The following ZMYM2 variants were observed in gnomAD, a reference collection of about 807,000 sequenced individuals.
The protein encoded by ZMYM2 is zinc finger MYM-type protein 2.
ZMYM2 carries 56 observed loss-of-function variants against 162.8 expected under a neutral mutation model. The observed-to-expected ratio is 0.34, with a 90% CI of 0.28 to 0.43. The LOEUF is 0.43. Ranked by LOEUF, ZMYM2 falls within the 20% of genes least tolerant of loss-of-function variation. ZMYM2 has a pLI of 1.00. For synonymous variants in ZMYM2, 510 were observed against 541.6 expected, an observed-to-expected ratio of 0.94 and a Z score of 0.81; for missense variants, 1,275 against 1,621.8, an observed-to-expected ratio of 0.79 and a Z score of 3.67.
At chr13:20,046,920 G>A (rs1259022657) in intron 12 of ZMYM2, among the ~76,000 whole-genome samples, 1 of 151,960 alleles carries the variant, frequency 6.6e-6, no homozygotes, top group East Asian at 1.9e-4. Flanking sequence ...AAATACTTTA[G>A]TCAAATACCG....
chr13:20,066,622 GGA>G (rs1956697951), intron 19 of ZMYM2: 1 of 375,040 alleles, frequency 2.7e-6, no homozygotes, highest in South Asian at 1.1e-4. Flanking sequence ...AGGAGGAAGA[GGA>G]GAGAGGTTGA....
chr13:19,895,090 A>AG, the ZMYM2 span, among the ~76,000 whole-genome samples: 3 of 150,030 alleles, frequency 2.0e-5, no homozygotes, highest in Non-Finnish European at 4.4e-5. Flanking sequence ...AAAAAAAAAA[A>AG]AAAAAAAGAA....
Position 20,021,166 on chromosome 13 carries a change from G to A in ZMYM2, c.1584+1548G>A, listed in dbSNP as rs563158619. 5.3e-5 allele frequency among the ~76,000 whole-genome samples: 8 copies of A among 151,880 alleles called. No homozygotes were observed. The South Asian group carries it at 6.2e-4, about 12-fold the overall frequency. Reference sequence around the variant, plus strand: ...AATTTTTTGTATTTTTAGTAGAGGCGGGGTTTCACCGTGTTAGCCAGGATG... The same window carrying A: ...AATTTTTTGTATTTTTAGTAGAGGCAGGGTTTCACCGTGTTAGCCAGGATG... On this transcript the variant is annotated intron_variant, in intron 7 of 24. Coordinates refer to ENST00000610343, the MANE Select transcript of ZMYM2 (RefSeq NM_197968.4).
chr13:20,061,755 A>G (rs1250438159), intron 17 of ZMYM2, among the ~76,000 whole-genome samples: 2 of 151,954 alleles, frequency 1.3e-5, no homozygotes, highest in African/African-American at 2.4e-5. Context: ...CGCCCAGCCA[A>G]TTTTTGTCTT....
intron 21 of ZMYM2, among the ~76,000 whole-genome samples, chr13:20,078,773 T>TA (rs1251029776): frequency 1.3e-5 from 2 of 152,096 alleles, no homozygotes; most frequent in Non-Finnish European, 2.9e-5. Flanking sequence ...ATTTTTATAT[T>TA]ATATGTTGGG....
At chr13:19,986,313 C>T (rs990682886) in intron 2 of ZMYM2, among the ~76,000 whole-genome samples, 4 of 151,448 alleles carry the variant, frequency 2.6e-5, no homozygotes, top group Non-Finnish European at 5.9e-5. Context: ...CACTTGAGCC[C>T]AGGAGTCCAG....
the ZMYM2 span, among the ~76,000 whole-genome samples, chr13:19,865,782 A>G: frequency 6.6e-6 from 1 of 152,212 alleles, no homozygotes; most frequent in African/African-American, 2.4e-5. Context: ...GTATGCTGCC[A>G]TGATTTCGAG....
intron 6 of ZMYM2, among the ~76,000 whole-genome samples, chr13:20,010,169 G>A (rs909266496): frequency 6.6e-6 from 1 of 152,048 alleles, no homozygotes; most frequent in Non-Finnish European, 1.5e-5. Context: ...AATGACTAAT[G>A]ACAATGAACA....
At chr13:19,958,716 T>G (rs371596999), upstream of ZMYM2, 84 of 149,130 alleles carry the variant, frequency 5.6e-4, no homozygotes, top group East Asian at 9.9e-3. Context: ...CGCCGCCGCC[T>G]CCTCCGCCTC....
At chr13:19,884,457 G>A in the ZMYM2 span, among the ~76,000 whole-genome samples, 1 of 151,948 alleles carries the variant, frequency 6.6e-6, no homozygotes, top group Non-Finnish European at 1.5e-5. Context: ...GGGCGGCCGT[G>A]GTCCCAGCTA....
At chr13:20,001,650 G>T (rs1950399715) in intron 3 of ZMYM2, among the ~76,000 whole-genome samples, 1 of 152,166 alleles carries the variant, frequency 6.6e-6, no homozygotes, top group South Asian at 2.1e-4. Flanking sequence ...AGAAGCTCTA[G>T]TGTGGGTAAA....
At chr13:20,069,074 T>C (rs1956892184) in intron 21 of ZMYM2, among the ~76,000 whole-genome samples, 1 of 152,202 alleles carries the variant, frequency 6.6e-6, no homozygotes, top group Non-Finnish European at 1.5e-5. Context: ...CTTTTAGCTA[T>C]TTCCCCTGGC....
the ZMYM2 span, among the ~76,000 whole-genome samples, chr13:19,925,240 C>A: frequency 6.6e-6 from 1 of 152,158 alleles, no homozygotes; most frequent in Admixed American, 6.5e-5. Flanking sequence ...TATATTCCCA[C>A]CAACAGTGCT....
chr13:19,883,074 T>C, the ZMYM2 span, among the ~76,000 whole-genome samples: 3 of 152,146 alleles, frequency 2.0e-5, no homozygotes, highest in Non-Finnish European at 4.4e-5. Context: ...TGTTAAAAAG[T>C]AATGAAGTAT....
In ZMYM2 at chr13:19,990,510, A is replaced by C. The variant is rs1026902126; in HGVS notation, c.-10-2553A>C. Among the ~76,000 whole-genome samples the C allele has an allele frequency of 5.1e-4, 78 of 152,304 alleles. 2 individuals are homozygous for C. Among genetic ancestry groups the C allele is most frequent in the Non-Finnish European group, 2.5e-4 (17 of 68,028 alleles). On this transcript the variant is annotated intron_variant, in intron 2 of 24. Transcript: ENST00000610343. ...TTTCAGTGTAAATGTCACTTGCTTAAAGAGATGTTCTCTGATCACCAAACT... is the reference window on the plus strand; with the variant it reads ...TTTCAGTGTAAATGTCACTTGCTTACAGAGATGTTCTCTGATCACCAAACT...
chr13:20,070,360 A>G, intron 21 of ZMYM2: 1 of 201,776 alleles, frequency 5.0e-6, no homozygotes, highest in East Asian at 1.2e-4. Context: ...GGTTCCTTGC[A>G]TTTATTCATA....
chr13:20,006,612 G>C (rs1479266001), intron 6 of ZMYM2, 26 bp downstream of exon 6: 4 of 1,607,470 alleles, frequency 2.5e-6, no homozygotes, highest in Non-Finnish European at 2.6e-6. Flanking sequence ...ATCAAAATTG[G>C]GCATTCTTTA....
At chr13:19,978,484 T>C (rs569858221) in intron 2 of ZMYM2, among the ~76,000 whole-genome samples, 6 of 152,140 alleles carry the variant, frequency 3.9e-5, no homozygotes, top group Non-Finnish European at 8.8e-5. Context: ...TGGTGCAATC[T>C]TGGCTCACCA....
At chr13:19,982,607 G>A (rs895649014) in intron 2 of ZMYM2, among the ~76,000 whole-genome samples, 4 of 152,006 alleles carry the variant, frequency 2.6e-5, no homozygotes, top group African/African-American at 9.7e-5. Flanking sequence ...CTATTAGGTT[G>A]GTGCAAAAGT....
Sources: allele counts gnomAD v4.1 joint callset (sites outside exome capture counted in the v4.1 genomes callset), GRCh38; gene constraint gnomAD v4.1.1; transcripts MANE v1.5; gene names NCBI Gene and HGNC (gene_info 2026-07-23, HGNC 2026-07-21).